The following DIAPH2 variants were observed in gnomAD, a reference collection of about 807,000 sequenced individuals.
The protein encoded by DIAPH2 is protein diaphanous homolog 2.
A neutral mutation model predicts 92.7 loss-of-function variants in DIAPH2; 35 were observed. That is an observed-to-expected ratio of 0.38 (90% CI 0.29 to 0.50). The LOEUF (loss-of-function observed/expected upper bound fraction) is 0.50, where lower values mean the gene tolerates loss of function less well. Among genes scored for constraint, DIAPH2 ranks in the 20% least tolerant of loss-of-function variants. The pLI, the probability that DIAPH2 is intolerant of heterozygous loss-of-function variation, is 0.94. For synonymous variants in DIAPH2, 301 were observed against 280.4 expected, an observed-to-expected ratio of 1.07 and a Z score of -0.73; for missense variants, 701 against 819.5, an observed-to-expected ratio of 0.86 and a Z score of 1.77.
intron 21 of DIAPH2, among the ~76,000 whole-genome samples, chrX:97,129,812 GA>G (rs973294941): frequency 9.0e-6 from 1 of 110,703 alleles, no homozygotes; most frequent in African/African-American, 3.3e-5. Flanking sequence ...TCAACAGAGT[GA>G]AAAAAAGGCA....
intron 17 of DIAPH2, among the ~76,000 whole-genome samples, chrX:96,973,853 G>A (rs1191870448): frequency 2.7e-5 from 3 of 109,789 alleles, no homozygotes; most frequent in Non-Finnish European, 5.7e-5. Flanking sequence ...GTGCCATCAC[G>A]CCCGACTAAT....
rs2071606690 is a variant in DIAPH2, at chrX:97,603,561, T to G, written c.*4244T>G. On this transcript the variant is annotated 3_prime_UTR_variant, in exon 27 of 27. Transcript: ENST00000324765. Reference sequence around the variant, plus strand: ...GGTGTAAGCCACCATGCCCAGCCTGTTTTGTCAATGTATCTGTTTTCTGTC... The same window carrying G: ...GGTGTAAGCCACCATGCCCAGCCTGGTTTGTCAATGTATCTGTTTTCTGTC... 8.9e-6 allele frequency: 1 copy of G among 112,165 alleles called. No homozygotes were observed. The allele number at this position is 112,165 out of a possible 1,213,427, so 9.2% of individuals were successfully genotyped here.
intron 4 of DIAPH2, among the ~76,000 whole-genome samples, chrX:96,805,153 T>A (rs2064613609): frequency 9.1e-6 from 1 of 110,392 alleles, no homozygotes; most frequent in Admixed American, 9.8e-5. Context: ...GTAGGACAGA[T>A]TAAAAAAATG....
rs372062867 is a variant in DIAPH2 at position 97,145,664 on chromosome X, CT to C, written c.2719+3872del. ...TCAAAAGACTGTTGCCAAAAATCCT[CT>C]TCTTATATCACTGTTTGGGCCATAT... On this transcript the variant is annotated intron_variant, in intron 22 of 26. Coordinates refer to ENST00000324765, the MANE Select transcript of DIAPH2 (RefSeq NM_006729.5). 4.3e-3 allele frequency among the ~76,000 whole-genome samples: 475 copies of C among 110,546 alleles called. 3 individuals are homozygous for C. Among genetic ancestry groups the C allele is most frequent in the African/African-American group, 0.015 (448 of 30,435 alleles).
At position 96,837,433 on chromosome X, in the gene DIAPH2, C is replaced by CTCTCTCTCTGTG. The variant is rs1189132418; in HGVS notation, c.448-44145_448-44144insCTCTCTCTGTGT. Among the ~76,000 whole-genome samples, 15 of 41,342 alleles carry CTCTCTCTCTGTG rather than the reference C, an allele frequency of 3.6e-4. 1 individual carries two copies. The East Asian group carries it at 4.7e-3, about 13-fold the overall frequency. 35.9% of individuals were successfully genotyped at this position (41,342 alleles called of 115,157 possible). A position where few individuals can be genotyped will look rare whatever the true frequency, so the allele number is the denominator to read the frequency against. ...TCTCTCTCTCTCTCTCTCTCTCTCT[C>CTCTCTCTCTGTG]TGTGTGTGTGTGTGTGTGTGTGTGT... On this transcript the variant is annotated intron_variant, in intron 4 of 26. Transcript: ENST00000324765.
intron 26 of DIAPH2, among the ~76,000 whole-genome samples, chrX:97,465,072 C>A (rs1308630448): frequency 2.7e-5 from 3 of 111,084 alleles, no homozygotes. Context: ...GTCTCGAACT[C>A]CTGACCTCAG....
At chrX:96,813,154 C>T (rs1602529935) in intron 4 of DIAPH2, among the ~76,000 whole-genome samples, 1 of 111,053 alleles carries the variant, frequency 9.0e-6, no homozygotes, top group South Asian at 3.9e-4. Flanking sequence ...GTGTGGGAGT[C>T]TAAGTCTCTT....
intron 23 of DIAPH2, among the ~76,000 whole-genome samples, chrX:97,248,968 G>A (rs1043769196): frequency 1.6e-4 from 18 of 111,507 alleles, no homozygotes; most frequent in Admixed American, 1.5e-3. Context: ...GTTTGTGATT[G>A]ATTGGAGGCA....
At chrX:97,410,358 G>A (rs2069856594) in intron 25 of DIAPH2, among the ~76,000 whole-genome samples, 1 of 111,912 alleles carries the variant, frequency 8.9e-6, no homozygotes, top group Admixed American at 9.5e-5. Flanking sequence ...GAAAGGAATA[G>A]CATCAACATC....
At chrX:96,897,100 A>G (rs1374707858) in intron 5 of DIAPH2, among the ~76,000 whole-genome samples, 2 of 111,826 alleles carry the variant, frequency 1.8e-5, no homozygotes, top group African/African-American at 6.5e-5. Flanking sequence ...GATTCATCGT[A>G]CATCATGGCG....
chrX:96,867,439 C>T (rs974418089), intron 4 of DIAPH2, among the ~76,000 whole-genome samples: 5 of 111,125 alleles, frequency 4.5e-5, no homozygotes, highest in South Asian at 7.6e-4. Flanking sequence ...AGGCTGGTCT[C>T]GAGCTCCTGA....
intron 26 of DIAPH2, chrX:97,442,079 A>C (rs1450253505): frequency 1.8e-5 from 2 of 112,964 alleles, no homozygotes; most frequent in Non-Finnish European, 3.7e-5. Flanking sequence ...TCTCCTACAC[A>C]ATATTATCAG....
intron 17 of DIAPH2, among the ~76,000 whole-genome samples, chrX:97,056,351 T>C (rs1461115111): frequency 8.9e-6 from 1 of 111,899 alleles, no homozygotes; most frequent in Non-Finnish European, 1.9e-5. Context: ...AGGTTTTATA[T>C]TAACCTTTGA....
intron 26 of DIAPH2, among the ~76,000 whole-genome samples, chrX:97,558,299 T>G (rs2071270888): frequency 8.9e-6 from 1 of 111,980 alleles, no homozygotes; most frequent in South Asian, 3.7e-4. Flanking sequence ...GGCTTTATAT[T>G]TAGCTTGCGA....
intron 17 of DIAPH2, among the ~76,000 whole-genome samples, chrX:96,982,065 A>G (rs890825573): frequency 3.6e-5 from 4 of 112,075 alleles, no homozygotes; most frequent in Admixed American, 9.5e-5. Context: ...ATATTGAAAC[A>G]TGTCTCTCAA....
intron 5 of DIAPH2, among the ~76,000 whole-genome samples, chrX:96,911,830 C>G (rs1282889302): frequency 1.8e-5 from 2 of 111,515 alleles, no homozygotes; most frequent in Non-Finnish European, 3.8e-5. Context: ...TGTTATGTAT[C>G]TCTCTCACCT....
intron 26 of DIAPH2, among the ~76,000 whole-genome samples, chrX:97,521,080 A>C (rs887680756): frequency 3.6e-5 from 4 of 111,191 alleles, no homozygotes; most frequent in African/African-American, 1.3e-4. Flanking sequence ...GCCCTCATGA[A>C]TGGAATTAGT....
intron 3 of DIAPH2, among the ~76,000 whole-genome samples, chrX:96,745,275 G>A (rs2064143762): frequency 1.8e-5 from 2 of 111,079 alleles, no homozygotes; most frequent in Non-Finnish European, 3.8e-5. Flanking sequence ...CAAAGTGCTG[G>A]GATTACAGGC....
At chrX:97,456,836 C>T (rs979598321) in intron 26 of DIAPH2, among the ~76,000 whole-genome samples, 10 of 111,660 alleles carry the variant, frequency 9.0e-5, no homozygotes, top group African/African-American at 2.9e-4. Flanking sequence ...AAACAGCTCT[C>T]AGACATTATG....
Sources: gnomAD v4.1 joint callset for allele counts (sites outside exome capture counted in the v4.1 genomes callset) on GRCh38, gnomAD v4.1.1 for gene constraint, MANE v1.5 for transcripts, NCBI Gene and HGNC (gene_info 2026-07-23, HGNC 2026-07-21) for gene names.